Variants in PDE8A observed in about 807,000 individuals in gnomAD.
The protein encoded by PDE8A is high affinity cAMP-specific and IBMX-insensitive 3',5'-cyclic phosphodiesterase 8A.
A neutral mutation model predicts 105.0 loss-of-function variants in PDE8A; 59 were observed. That is an observed-to-expected ratio of 0.56 (90% confidence interval 0.46 to 0.70). The LOEUF is 0.70. PDE8A is among the 30% of genes least tolerant of loss of function. The probability of loss-of-function intolerance (pLI) is 0.00; values close to 1 mark genes in which losing one functional copy is unlikely to be tolerated. For missense variants in PDE8A, 1,014 were observed against 1,045.9 expected (o/e 0.97, Z 0.42); for synonymous variants, 355 against 371.9 (o/e 0.95, Z 0.52).
chr15:84,988,345 TC>T (rs2079836070), intron 1 of PDE8A, among the ~76,000 whole-genome samples: 1 of 152,252 alleles, frequency 6.6e-6, no homozygotes, highest in Non-Finnish European at 1.5e-5. Flanking sequence ...GCATCTTGAA[TC>T]TGCATTATCA....
At chr15:85,082,986 T>G (rs1032099397) in intron 5 of PDE8A, among the ~76,000 whole-genome samples, 1 of 152,290 alleles carries the variant, frequency 6.6e-6, no homozygotes, top group Non-Finnish European at 1.5e-5. Context: ...CATCCATGGC[T>G]TCTGCCAGTG....
intron 12 of PDE8A, 42 bp from the exon 13 acceptor site, chr15:85,113,335 A>G (rs368941806): frequency 1.2e-5 from 18 of 1,542,154 alleles, no homozygotes; most frequent in Non-Finnish European, 1.5e-5. Context: ...ACAGGTGCCC[A>G]GAGTTGTGCA....
intron 20 of PDE8A, among the ~76,000 whole-genome samples, chr15:85,134,252 C>CT (rs1317338961): frequency 6.6e-6 from 1 of 152,242 alleles, no homozygotes; most frequent in East Asian, 1.9e-4. Flanking sequence ...CTCTGGATGA[C>CT]TGAGTGGCTG....
chr15:85,110,903 G>A (rs2082012166), intron 12 of PDE8A, among the ~76,000 whole-genome samples: 2 of 152,190 alleles, frequency 1.3e-5, no homozygotes, highest in South Asian at 4.1e-4. Flanking sequence ...GAGAGTTCCA[G>A]TTGTTCCATG....
chr15:85,007,049 G>C (rs1596433505), intron 1 of PDE8A, among the ~76,000 whole-genome samples: 1 of 152,142 alleles, frequency 6.6e-6, no homozygotes, highest in Non-Finnish European at 1.5e-5. Context: ...TTCTGTACAT[G>C]GGTGAAAGAT....
intron 8 of PDE8A, among the ~76,000 whole-genome samples, chr15:85,094,859 G>A (rs1470372951): frequency 6.6e-6 from 1 of 152,074 alleles, no homozygotes; most frequent in Non-Finnish European, 1.5e-5. Flanking sequence ...ATACACTACT[G>A]CCTGATTAGT....
chr15:85,012,252 T>C (rs938517216), intron 1 of PDE8A, among the ~76,000 whole-genome samples: 3 of 152,156 alleles, frequency 2.0e-5, no homozygotes, highest in African/African-American at 4.8e-5. Flanking sequence ...TGCACACGTA[T>C]GTTTATTGCA....
At chr15:85,088,579 A>AT (rs1387367319) in intron 6 of PDE8A, among the ~76,000 whole-genome samples, 1 of 152,134 alleles carries the variant, frequency 6.6e-6, no homozygotes, top group East Asian at 1.9e-4. Flanking sequence ...ACATTTGCGT[A>AT]TAAGTTTTTG....
intron 1 of PDE8A, among the ~76,000 whole-genome samples, chr15:85,018,922 C>T (rs777950100): frequency 2.6e-5 from 4 of 152,044 alleles, no homozygotes; most frequent in Non-Finnish European, 4.4e-5. Flanking sequence ...AGGTTATTTA[C>T]TCTTTGTATA....
chr15:85,031,635 C>G (rs971641665), intron 1 of PDE8A, among the ~76,000 whole-genome samples: 1 of 152,078 alleles, frequency 6.6e-6, no homozygotes, highest in Non-Finnish European at 1.5e-5. Flanking sequence ...GTGTGACTGA[C>G]AAGTAGATTA....
intron 1 of PDE8A, among the ~76,000 whole-genome samples, chr15:84,993,360 A>C (rs140714372): frequency 1.3e-5 from 2 of 149,792 alleles, no homozygotes; most frequent in Non-Finnish European, 3.0e-5. Context: ...GGAGAATGGC[A>C]TGAACCCAGG....
At chr15:85,104,885 A>C (rs2081924757) in intron 11 of PDE8A, among the ~76,000 whole-genome samples, 1 of 152,128 alleles carries the variant, frequency 6.6e-6, no homozygotes, top group Admixed American at 6.5e-5. Context: ...AGCACTGAGG[A>C]GCAGGATGAA....
At chr15:85,070,021 C>T (rs964507495) in intron 3 of PDE8A, among the ~76,000 whole-genome samples, 1 of 152,160 alleles carries the variant, frequency 6.6e-6, no homozygotes, top group African/African-American at 2.4e-5. Context: ...TTGGACTGTT[C>T]AAGAAATCTT....
chr15:84,981,905 T>G lies in PDE8A; in HGVS notation c.-258T>G, dbSNP rs1236302282. On this transcript the variant is annotated 5_prime_UTR_variant, in exon 1 of 22. Transcript: ENST00000394553. The stretch of plus-strand genomic sequence containing the variant: ...TGAGAGGCGGCCGTCGGCTCCTGCC[T>G]CAGGAAGGGCATGTTCGGAGGGGCG... 4.1e-6 allele frequency: 1 copy of G among 241,086 alleles called. No individual in the cohort carries two copies. The highest frequency in any genetic ancestry group is 7.9e-6 in the Non-Finnish European group (1 of 126,832). 14.9% of individuals were successfully genotyped at this position (241,086 alleles called of 1,614,324 possible). A position where few individuals can be genotyped will look rare whatever the true frequency, so the allele number is the denominator to read the frequency against.
chr15:85,016,750 C>CT (rs1197640454), intron 1 of PDE8A, among the ~76,000 whole-genome samples: 1 of 152,164 alleles, frequency 6.6e-6, no homozygotes, highest in African/African-American at 2.4e-5. Context: ...ATAGGGAGAA[C>CT]TGACATCATT....
intron 1 of PDE8A, among the ~76,000 whole-genome samples, chr15:84,999,667 C>T (rs576491717): frequency 4.7e-4 from 71 of 151,926 alleles, no homozygotes; most frequent in African/African-American, 1.7e-3. Flanking sequence ...CTCTGCCTCC[C>T]GGGTTCAAGC....
At chr15:84,989,606 T>C (rs965387414) in intron 1 of PDE8A, among the ~76,000 whole-genome samples, 1 of 152,212 alleles carries the variant, frequency 6.6e-6, no homozygotes, top group Non-Finnish European at 1.5e-5. Flanking sequence ...TATGTGATAC[T>C]TGGCAACTCC....
chr15:85,020,318 C>A (rs2080403619), intron 1 of PDE8A, among the ~76,000 whole-genome samples: 1 of 152,112 alleles, frequency 6.6e-6, no homozygotes, highest in African/African-American at 2.4e-5. Flanking sequence ...AAGAAAACAA[C>A]AAGGGCCCGG....
chr15:85,084,076 A>G (rs2081510680), intron 6 of PDE8A, among the ~76,000 whole-genome samples: 2 of 151,638 alleles, frequency 1.3e-5, no homozygotes, highest in Admixed American at 6.6e-5. Flanking sequence ...TTTAAGTGAC[A>G]TGAGTAGAGG....
Sources: allele counts gnomAD v4.1 joint callset (sites outside exome capture counted in the v4.1 genomes callset), GRCh38; gene constraint gnomAD v4.1.1; transcripts MANE v1.5; gene names NCBI Gene and HGNC (gene_info 2026-07-23, HGNC 2026-07-21).